RIBC2: variants seen among roughly 807,000 people sequenced by gnomAD.
RIBC2 encodes the protein RIB43A domain with coiled-coils 2.
Under a neutral mutation model 44.3 loss-of-function variants are expected in RIBC2, and 40 were observed. The ratio of observed to expected loss-of-function variants is 0.90; its 90% confidence interval spans 0.70 to 1.18. The LOEUF (loss-of-function observed/expected upper bound fraction) is 1.18, where lower values mean the gene tolerates loss of function less well. Among genes scored for constraint, RIBC2 ranks in the 50% most tolerant of loss-of-function variants. The pLI is 0.00. For missense variants in RIBC2, 459 were observed against 485.5 expected (o/e 0.95, Z 0.51); for synonymous variants, 171 against 175.0 (o/e 0.98, Z 0.18).
intron 4 of RIBC2, among the ~76,000 whole-genome samples, chr22:45,424,732 C>T (rs1177193557): frequency 2.0e-5 from 3 of 151,380 alleles, no homozygotes; most frequent in Non-Finnish European, 4.4e-5. Context: ...GTACTGCCAC[C>T]TCTGCTCACA....
intron 2 of RIBC2, among the ~76,000 whole-genome samples, chr22:45,417,234 C>G (rs2087433902): frequency 6.6e-6 from 1 of 152,036 alleles, no homozygotes; most frequent in African/African-American, 2.4e-5. Flanking sequence ...CCTGGCCGTT[C>G]CTACACTTTG....
At chr22:45,417,535 T>C in intron 2 of RIBC2, 67 bp from the exon 3 acceptor site, 1 of 1,256,600 alleles carries the variant, frequency 8.0e-7, no homozygotes, top group Non-Finnish European at 1.1e-6. Context: ...TAATAAAAAA[T>C]AAAATGGATT....
intron 4 of RIBC2, among the ~76,000 whole-genome samples, chr22:45,424,818 C>T (rs551928941): frequency 7.5e-5 from 11 of 146,374 alleles, no homozygotes; most frequent in African/African-American, 1.3e-4. Flanking sequence ...TGTAGTGGCG[C>T]GATCTTGGCT....
rs2087459066 is a variant in RIBC2 at position 45,419,674 on chromosome 22, A to AGCC, written c.556+1729_556+1730insCCG. ...ACTGAGCCTGGAAGGTCAAGGCTAC[A>AGCC]GTGAGCCGTGATTGTGCCACCGCCC... On this transcript the variant is annotated intron_variant, in intron 3 of 6. Coordinates refer to ENST00000614167, the MANE Select transcript of RIBC2 (RefSeq NM_015653.5). Among the ~76,000 whole-genome samples, 33 of 150,396 alleles carry AGCC rather than the reference A, an allele frequency of 2.2e-4. 1 individual carries two copies. The South Asian group carries it at 7.0e-3, about 32-fold the overall frequency.
chr22:45,425,842 TA>T, intron 4 of RIBC2, 105 bp from the exon 5 acceptor site: 2 of 950,458 alleles, frequency 2.1e-6, no homozygotes, highest in Non-Finnish European at 3.2e-6. Flanking sequence ...CTGCTGCCCT[TA>T]GCATATCCTC....
In RIBC2 at chr22:45,424,753, C is replaced by CTTT. The variant is rs3071820; in HGVS notation, c.676-1179_676-1177dup. On this transcript the variant is annotated intron_variant, in intron 4 of 6. Coordinates refer to ENST00000614167, the MANE Select transcript of RIBC2 (RefSeq NM_015653.5). The stretch of plus-strand genomic sequence containing the variant: ...CCACCTCTGCTCACATTTCTTTTTT[C>CTTT]TTTTTTTTTTTTTTTTTTGAGGTGG... Among the ~76,000 whole-genome samples the CTTT allele has an allele frequency of 5.8e-4, 72 of 124,350 alleles. 1 individual carries two copies. The highest frequency in any genetic ancestry group is 1.8e-3 in the African/African-American group (57 of 31,988). The allele number at this position is 124,350 out of a possible 152,430, so 81.6% of individuals were successfully genotyped here.
At position 45,417,825 on chromosome 22, in the gene RIBC2, A is replaced by G; in HGVS notation, c.435A>G (p.Lys145=). 1 of 1,614,200 alleles carries G rather than the reference A, an allele frequency of 6.2e-7. No homozygotes were observed. Among genetic ancestry groups the G allele is most frequent in the Non-Finnish European group, 8.5e-7 (1 of 1,180,018 alleles). The change falls in exon 3 of 7, where the codon AAA becomes AAG. Residue 145 remains lysine, a synonymous_variant. Coordinates refer to ENST00000614167, the MANE Select transcript of RIBC2 (RefSeq NM_015653.5). ...GGAATACGATATCAGGAATGCAGAAATTCATGGGAGAGGATTTAAACTTCC... is the reference window on the plus strand; with the variant it reads ...GGAATACGATATCAGGAATGCAGAAGTTCATGGGAGAGGATTTAAACTTCC... ...DVRNTISGMQ[K]FMGEDLNFHE... is the part of the protein sequence containing the mutation.
intron 3 of RIBC2, among the ~76,000 whole-genome samples, chr22:45,419,025 C>T (rs779794606): frequency 1.3e-5 from 2 of 152,214 alleles, no homozygotes; most frequent in Non-Finnish European, 2.9e-5. Context: ...CATTAGCTCC[C>T]TTCCCATCCA....
intron 1 of RIBC2, 98 bp from the exon 2 acceptor site, chr22:45,414,224 A>C: frequency 6.7e-7 from 1 of 1,494,426 alleles, no homozygotes. Flanking sequence ...CAACTCGTTT[A>C]CAGTGGGGCA....
intron 5 of RIBC2, among the ~76,000 whole-genome samples, chr22:45,429,761 C>G (rs184095922): frequency 6.6e-6 from 1 of 152,044 alleles, no homozygotes; most frequent in Admixed American, 6.5e-5. Flanking sequence ...GGAGATCGGC[C>G]GGCCATCCTG....
At chr22:45,417,460 A>G (rs936241671) in intron 2 of RIBC2, 142 bp from the exon 3 acceptor site, 6 of 608,550 alleles carry the variant, frequency 9.9e-6, no homozygotes, top group Non-Finnish European at 1.7e-5. Context: ...TGAGGCAGAA[A>G]GATGGTTGGA....
chr22:45,424,173 T>C (rs1277410341), intron 4 of RIBC2, among the ~76,000 whole-genome samples: 3 of 152,212 alleles, frequency 2.0e-5, no homozygotes, highest in African/African-American at 4.8e-5. Flanking sequence ...ACTCCTGCAC[T>C]GGGAAAAGCC....
chr22:45,430,779 G>C, intron 5 of RIBC2, 121 bp from the exon 6 acceptor site: 6 of 1,259,840 alleles, frequency 4.8e-6, no homozygotes, highest in Non-Finnish European at 6.4e-6. Context: ...TCACCTACCT[G>C]CTCGTCCTCT....
At chr22:45,430,514 C>T (rs2087569356) in intron 5 of RIBC2, among the ~76,000 whole-genome samples, 1 of 152,168 alleles carries the variant, frequency 6.6e-6, no homozygotes, top group African/African-American at 2.4e-5. Context: ...CCGGCCATGG[C>T]TCATGGAGGT....
intron 2 of RIBC2, among the ~76,000 whole-genome samples, chr22:45,417,290 A>T (rs944920280): frequency 1.3e-5 from 2 of 151,870 alleles, no homozygotes; most frequent in Admixed American, 1.3e-4. Flanking sequence ...ATTGATTTGT[A>T]GGTACTCTTT....
In RIBC2 at chr22:45,414,285, T is replaced by C. The variant is rs757770342; in HGVS notation, c.130-37T>C. On this transcript the variant is annotated intron_variant, in intron 1 of 6. Coordinates refer to ENST00000614167, the MANE Select transcript of RIBC2 (RefSeq NM_015653.5). The stretch of plus-strand genomic sequence containing the variant: ...ATTGTTATTACTGAATAAAATGATC[T>C]GGCTCTAACCCTTCTCCTCTGTTTT... 4 of 1,528,414 alleles carry C rather than the reference T, an allele frequency of 2.6e-6. No homozygotes were observed. The South Asian group carries it at 5.0e-5, about 19-fold the overall frequency. The allele number at this position is 1,528,414 out of a possible 1,614,324, so 94.7% of individuals were successfully genotyped here.
intron 4 of RIBC2, among the ~76,000 whole-genome samples, chr22:45,424,753 C>CTT (rs3071820): frequency 0.037 from 4,624 of 124,262 alleles, 123 homozygotes; most frequent in African/African-American, 0.045. Context: ...TTTCTTTTTT[C>CTT]TTTTTTTTTT....
At chr22:45,429,621 G>A (rs1181068553) in intron 5 of RIBC2, among the ~76,000 whole-genome samples, 3 of 152,050 alleles carry the variant, frequency 2.0e-5, no homozygotes, top group Non-Finnish European at 4.4e-5. Context: ...GTGGGGCCGG[G>A]ACCTGGGCAG....
intron 2 of RIBC2, among the ~76,000 whole-genome samples, chr22:45,416,324 G>A (rs2087424708): frequency 6.6e-6 from 1 of 151,492 alleles, no homozygotes; most frequent in African/African-American, 2.4e-5. Context: ...TCCAAGAATT[G>A]TGTCCCTAGC....
Sources: gnomAD v4.1 joint callset for allele counts (sites outside exome capture counted in the v4.1 genomes callset) on GRCh38, gnomAD v4.1.1 for gene constraint, MANE v1.5 for transcripts, NCBI Gene and HGNC (gene_info 2026-07-23, HGNC 2026-07-21) for gene names.